PITPNM3: variants seen among roughly 807,000 people sequenced by gnomAD.
PITPNM3 encodes PITPNM family member 3.
Under a neutral mutation model 102.0 loss-of-function variants are expected in PITPNM3, and 26 were observed. The observed-to-expected ratio is 0.25, with a 90% CI of 0.19 to 0.35. PITPNM3 has a LOEUF of 0.35. Ranked by LOEUF, PITPNM3 falls within the 10% of genes least tolerant of loss-of-function variation. The pLI, the probability that PITPNM3 is intolerant of heterozygous loss-of-function variation, is 1.00. For synonymous variants in PITPNM3, 578 were observed against 558.6 expected (o/e 1.03, Z -0.49); for missense variants, 1,083 against 1,346.1 (o/e 0.80, Z 3.06).
Position 6,525,479 on chromosome 17 carries a change from G to C in PITPNM3, c.119-16C>G, listed in dbSNP as rs1908778071. The C allele has an allele frequency of 1.2e-6, 2 of 1,601,338 alleles. No homozygotes were observed. The highest frequency in any genetic ancestry group is 1.7e-6 in the Non-Finnish European group (2 of 1,168,402). ...GCCATCTCCTCTGTGGGAAGAAGCAGCGGTGAGCAGAAGCAGGTGCAGCTA... is the reference window on the plus strand; with the variant it reads ...GCCATCTCCTCTGTGGGAAGAAGCACCGGTGAGCAGAAGCAGGTGCAGCTA... On this transcript the variant is annotated splice_polypyrimidine_tract_variant and intron_variant, in intron 2 of 19. Transcript: ENST00000262483.
At chr17:6,508,472 CT>C (rs1016237684) in intron 3 of PITPNM3, among the ~76,000 whole-genome samples, 4 of 152,216 alleles carry the variant, frequency 2.6e-5, no homozygotes, top group African/African-American at 9.6e-5. Context: ...ACCCCGCCTC[CT>C]ATTGGTCGGG....
At chr17:6,496,462 C>G (rs570155172) in intron 4 of PITPNM3, among the ~76,000 whole-genome samples, 1 of 152,168 alleles carries the variant, frequency 6.6e-6, no homozygotes, top group South Asian at 2.1e-4. Flanking sequence ...TCCACTGCCC[C>G]GTGACCAGAT....
At chr17:6,473,984 A>G (rs1905181156) in intron 10 of PITPNM3, among the ~76,000 whole-genome samples, 1 of 150,418 alleles carries the variant, frequency 6.6e-6, no homozygotes, top group South Asian at 2.1e-4. Flanking sequence ...CTCAAAAAAA[A>G]AAAAAAAAAA....
intron 6 of PITPNM3, chr17:6,479,021 A>C (rs963971532): frequency 2.2e-6 from 1 of 459,136 alleles, no homozygotes; most frequent in Non-Finnish European, 3.9e-6. Flanking sequence ...CCTCTTCTGC[A>C]TGGCCCCAAA....
intron 4 of PITPNM3, among the ~76,000 whole-genome samples, chr17:6,491,837 A>ATATATAT (rs61304274): frequency 5.3e-5 from 1 of 18,806 alleles, no homozygotes. Context: ...ATATATATAT[A>ATATATAT]ATAAAGAATT....
rs897977208 is a variant in PITPNM3, at chr17:6,489,333, C to G, written c.275-5041G>C. 3.3e-5 allele frequency among the ~76,000 whole-genome samples: 5 copies of G among 152,166 alleles called. No individual in the cohort carries two copies. In the East Asian group the frequency reaches 9.7e-4, roughly 29 times the overall value. The stretch of plus-strand genomic sequence containing the variant: ...CCATCCTTGGCAGTCACTCCCACCC[C>G]CCGTTAGTCACCCCTGGCATCAACC... On this transcript the variant is annotated intron_variant, in intron 4 of 19. Transcript: ENST00000262483.
rs934180178 is a variant in PITPNM3 at position 6,484,273 on chromosome 17, G to A, written c.294C>T (p.Ser98=). The stretch of plus-strand genomic sequence containing the variant: ...GGGCTGGGAACCTCTGTCTTCTCAA[G>A]GAAACCCGGTACAGTTCTCCTGCAG... The part of the protein sequence containing the change: ...QEKQRELYRV[S]LRRQRFPAQG... The change falls in exon 5 of 20, where the codon TCC becomes TCT. Residue 98 remains serine (S), a synonymous_variant. Coordinates refer to ENST00000262483, the MANE Select transcript of PITPNM3 (RefSeq NM_031220.4). 2 of 1,609,494 alleles carry A rather than the reference G, an allele frequency of 1.2e-6. No individual in the cohort carries two copies. The highest frequency in any genetic ancestry group is 1.7e-5 in the Admixed American group (1 of 60,022).
chr17:6,547,929 T>A (rs1011046442), intron 1 of PITPNM3, among the ~76,000 whole-genome samples: 3 of 151,848 alleles, frequency 2.0e-5, no homozygotes, highest in Non-Finnish European at 4.4e-5. Context: ...GGTTTCTCCA[T>A]GTTGGTCAGG....
chr17:6,457,092 A>G lies in PITPNM3; in HGVS notation c.2619+502T>C, dbSNP rs953920776. On this transcript the variant is annotated intron_variant, in intron 19 of 19. Transcript: ENST00000262483. The surrounding 1 kb of genome is among the most constrained non-coding windows in gnomAD (Gnocchi z 4.7). The stretch of plus-strand genomic sequence containing the variant: ...GCCCCGCCCCCCCACCTCCCAGCTC[A>G]CGTCCCATGCAGCCAAGCTGAGTCA... Among the ~76,000 whole-genome samples the G allele has an allele frequency of 6.7e-6, 1 of 149,944 alleles. No homozygotes were observed.
chr17:6,483,342 C>G (rs1315044925), intron 6 of PITPNM3, among the ~76,000 whole-genome samples, 175 bp downstream of exon 6: 1 of 152,044 alleles, frequency 6.6e-6, no homozygotes, highest in Admixed American at 6.5e-5. Flanking sequence ...CAGGCCCAGG[C>G]AGAGGACTCT....
At chr17:6,530,345 G>A (rs972383162) in intron 2 of PITPNM3, among the ~76,000 whole-genome samples, 2 of 152,188 alleles carry the variant, frequency 1.3e-5, no homozygotes, top group African/African-American at 2.4e-5. Context: ...TTGAAATTTC[G>A]TCTGTAAAAT....
rs549791286 is a variant in PITPNM3, at chr17:6,459,945, T to G, written c.2490+1428A>C. Among the ~76,000 whole-genome samples the G allele has an allele frequency of 1.3e-5, 2 of 152,246 alleles. No homozygotes were observed. The highest frequency in any genetic ancestry group is 4.1e-4 in the South Asian group (2 of 4,820). ...GTCTTTTGCTTGGGCAACAGCCCCC[T>G]AACTGGCCTCCCTGCCTCCAGTTTC... On this transcript the variant is annotated intron_variant, in intron 18 of 19. Transcript: ENST00000262483. This position sits in a 1 kb window ranked among gnomAD's most constrained non-coding sequence, Gnocchi z 5.0.
At chr17:6,464,424 C>T (rs1413359168) in intron 15 of PITPNM3, 106 bp from the exon 16 acceptor site, 1 of 1,278,264 alleles carries the variant, frequency 7.8e-7, no homozygotes, top group African/African-American at 1.5e-5. Flanking sequence ...GCCTGACATT[C>T]CCTGGCTCCT....
chr17:6,544,654 T>TCACA (rs754945876), intron 1 of PITPNM3, among the ~76,000 whole-genome samples: 11,256 of 130,082 alleles, frequency 0.087, 491 homozygotes, highest in Middle Eastern at 0.1. Context: ...TCTCTCTCTC[T>TCACA]CACACACACA....
At chr17:6,463,496 AGTGAG>A (rs1489586253) in intron 17 of PITPNM3, among the ~76,000 whole-genome samples, 8 of 151,532 alleles carry the variant, frequency 5.3e-5, no homozygotes, top group Non-Finnish European at 7.4e-5. Context: ...GGAGGAAGGA[AGTGAG>A]GGAGGGAGGG....
At chr17:6,516,822 G>A (rs569772470) in intron 3 of PITPNM3, among the ~76,000 whole-genome samples, 8 of 152,234 alleles carry the variant, frequency 5.3e-5, no homozygotes, top group African/African-American at 1.9e-4. Context: ...TTGAGGCCAG[G>A]AGTTCGAGAC....
rs777563538 is a variant in PITPNM3, at chr17:6,468,350, G to T, written c.1774-9C>A. The stretch of plus-strand genomic sequence containing the variant: ...CTCTCATAGCGCATTACCTAGCCAA[G>T]AGCCGAGCAGGGCCCCGGTCAGGTC... On this transcript the variant is annotated splice_polypyrimidine_tract_variant and intron_variant, in intron 13 of 19. Coordinates refer to ENST00000262483, the MANE Select transcript of PITPNM3 (RefSeq NM_031220.4). This position sits in a 1 kb window ranked among gnomAD's most constrained non-coding sequence, Gnocchi z 5.2. 15 of 1,613,644 alleles carry T rather than the reference G, an allele frequency of 9.3e-6. No homozygotes were observed. The highest frequency in any genetic ancestry group is 1.2e-5 in the Non-Finnish European group (14 of 1,179,762).
At chr17:6,490,103 G>C (rs1597380008) in intron 4 of PITPNM3, among the ~76,000 whole-genome samples, 1 of 152,168 alleles carries the variant, frequency 6.6e-6, no homozygotes, top group African/African-American at 2.4e-5. Context: ...ATTTTGCTGT[G>C]ATGTGGGATT....
Position 6,483,734 on chromosome 17 carries a change from A to T in PITPNM3, c.370T>A (p.Ser124Thr). 6.2e-7 allele frequency: 1 copy of T among 1,613,280 alleles called. No individual in the cohort carries two copies. Residue 124 changes from serine to threonine, a missense_variant, in exon 6 of 20, where the codon TCC (serine) becomes ACC (threonine). Physicochemically the swap from Ser to Thr is moderately conservative, Grantham distance 58 (BLOSUM62 1). Transcript: ENST00000262483. The stretch of plus-strand genomic sequence containing the variant: ...AGCAGGAGGACATGTGTCTTGCAGG[A>T]GCGCTGCGGGCAGCCTTCCTGAGAG... ...EDSEEGCPQRSCKTHVLLLVL... is the reference protein window; with the variant it reads ...EDSEEGCPQRTCKTHVLLLVL...
Sources: gnomAD v4.1 joint callset for allele counts (sites outside exome capture counted in the v4.1 genomes callset) on GRCh38, gnomAD v4.1.1 for gene constraint, Gnocchi (gnomAD v3.1) non-coding constraint, MANE v1.5 for transcripts, NCBI Gene and HGNC (gene_info 2026-07-23, HGNC 2026-07-21) for gene names.